Variants in PPCDC observed in about 807,000 individuals in gnomAD.
PPCDC encodes the protein phosphopantothenoylcysteine decarboxylase.
In PPCDC, 20 loss-of-function variants were observed where a neutral mutation model predicts 20.7. The observed-to-expected ratio is 0.97, with a 90% CI of 0.68 to 1.41. PPCDC has a LOEUF of 1.41. Among genes scored for constraint, PPCDC ranks in the 40% most tolerant of loss-of-function variants. PPCDC has a pLI of 0.00. For synonymous variants in PPCDC, 88 were observed against 100.3 expected (o/e 0.88, Z 0.73); for missense variants, 246 against 263.8 (o/e 0.93, Z 0.47).
intron 4 of PPCDC, chr15:75,045,310 GA>G (rs1308815542): frequency 6.6e-6 from 1 of 152,412 alleles, no homozygotes; most frequent in African/African-American, 2.4e-5. Flanking sequence ...GCTGGAAGGA[GA>G]ATGCCAGGCT....
chr15:75,034,443 C>G (rs967336121), intron 2 of PPCDC, among the ~76,000 whole-genome samples: 2 of 152,110 alleles, frequency 1.3e-5, no homozygotes, highest in Admixed American at 6.5e-5. Flanking sequence ...AAATGTTTGC[C>G]GAGTAGAGGC....
chr15:75,028,539 G>A lies in PPCDC; in HGVS notation c.135+86G>A, dbSNP rs1420494348. 3.2e-6 allele frequency: 5 copies of A among 1,549,154 alleles called. No homozygotes were observed. The African/African-American group carries it at 5.5e-5, about 17-fold the overall frequency. On this transcript the variant is annotated intron_variant, in intron 2 of 5. Transcript: ENST00000342932. ...GATGGCCCATTGCTCTGCAGTACATGCAATTTTCTTTTTCTTTATCATGTT... is the reference window on the plus strand; with the variant it reads ...GATGGCCCATTGCTCTGCAGTACATACAATTTTCTTTTTCTTTATCATGTT...
chr15:75,040,143 C>T (rs551559324), intron 2 of PPCDC, among the ~76,000 whole-genome samples: 64 of 152,250 alleles, frequency 4.2e-4, no homozygotes, highest in African/African-American at 1.4e-3. Flanking sequence ...AGTGCAGTGG[C>T]ATGATCTTGG....
chr15:75,045,558 GT>G (rs1469433026), intron 4 of PPCDC, among the ~76,000 whole-genome samples: 1 of 152,190 alleles, frequency 6.6e-6, no homozygotes, highest in Non-Finnish European at 1.5e-5. Context: ...GGGACAGGAT[GT>G]TTTTTGGGGT....
At chr15:75,044,641 G>A (rs971049399) in intron 4 of PPCDC, 127 bp downstream of exon 4, 51 of 1,293,320 alleles carry the variant, frequency 3.9e-5, no homozygotes, top group African/African-American at 6.0e-5. Context: ...ATCGTGCTCC[G>A]CCATTCCCCA....
chr15:75,047,057 C>A (rs2066245329), intron 4 of PPCDC, among the ~76,000 whole-genome samples: 1 of 152,258 alleles, frequency 6.6e-6, no homozygotes, highest in Non-Finnish European at 1.5e-5. Context: ...GCTCTCTTCT[C>A]CTCCTGCCTG....
intron 2 of PPCDC, among the ~76,000 whole-genome samples, chr15:75,035,201 C>T (rs538293998): frequency 3.3e-5 from 5 of 152,116 alleles, no homozygotes; most frequent in African/African-American, 9.6e-5. Context: ...TGGTTCTCAA[C>T]GGGGGTGATT....
In PPCDC at chr15:75,043,358, T is replaced by C. The variant is rs1468970976; in HGVS notation, c.136-83T>C. Reference sequence around the variant, plus strand: ...CTGTGAAGACAGCACCTGCCTGCCCTGACCCTCCTGTGGCCTCCAGGCCTG... The same window carrying C: ...CTGTGAAGACAGCACCTGCCTGCCCCGACCCTCCTGTGGCCTCCAGGCCTG... On this transcript the variant is annotated intron_variant, in intron 2 of 5. Coordinates refer to ENST00000342932, the MANE Select transcript of PPCDC (RefSeq NM_021823.5). 7.3e-6 allele frequency: 9 copies of C among 1,230,820 alleles called. No homozygotes were observed. In the South Asian group the frequency reaches 9.6e-5, roughly 13 times the overall value. The allele number at this position is 1,230,820 out of a possible 1,614,324, so 76.2% of individuals were successfully genotyped here. A position where few individuals can be genotyped will look rare whatever the true frequency, so the allele number is the denominator to read the frequency against.
chr15:75,028,094 G>A, intron 1 of PPCDC, 153 bp from the exon 2 acceptor site: 1 of 561,548 alleles, frequency 1.8e-6, no homozygotes, highest in Non-Finnish European at 3.1e-6. Flanking sequence ...TGGGGAAGGT[G>A]TCTCACTTTC....
intron 4 of PPCDC, among the ~76,000 whole-genome samples, chr15:75,048,234 C>G (rs1480051486): frequency 6.6e-6 from 1 of 152,194 alleles, no homozygotes; most frequent in Admixed American, 6.5e-5. Context: ...AAAAGCCTGC[C>G]TTCTGCTCCC....
At chr15:75,028,556 T>C in intron 2 of PPCDC, 103 bp downstream of exon 2, 2 of 1,500,542 alleles carry the variant, frequency 1.3e-6, no homozygotes, top group Non-Finnish European at 1.8e-6. Context: ...TCTTTTTCTT[T>C]ATCATGTTAA....
chr15:75,040,667 T>A (rs12050820), intron 2 of PPCDC, among the ~76,000 whole-genome samples: 129,341 of 151,854 alleles, frequency 0.85, 56,570 homozygotes, highest in East Asian at 0.95. Context: ...TTTATTTTTT[T>A]ATTTTTTTTG....
At chr15:75,045,704 G>A (rs2066223571) in intron 4 of PPCDC, among the ~76,000 whole-genome samples, 1 of 152,078 alleles carries the variant, frequency 6.6e-6, no homozygotes, top group South Asian at 2.1e-4. Context: ...AGGAGCAGGG[G>A]TAGGGAGTGC....
chr15:75,044,637 C>A, intron 4 of PPCDC, 123 bp downstream of exon 4: 1 of 1,321,098 alleles, frequency 7.6e-7, no homozygotes, highest in Non-Finnish European at 1.0e-6. Context: ...GGAGATCGTG[C>A]TCCGCCATTC....
At chr15:75,045,980 G>T (rs1237143823) in intron 4 of PPCDC, among the ~76,000 whole-genome samples, 1 of 151,744 alleles carries the variant, frequency 6.6e-6, no homozygotes, top group Non-Finnish European at 1.5e-5. Context: ...GGAGGCTGAG[G>T]CAGGAAAATT....
intron 2 of PPCDC, among the ~76,000 whole-genome samples, chr15:75,035,438 A>C (rs764347232): frequency 1.3e-4 from 20 of 152,130 alleles, no homozygotes; most frequent in Admixed American, 5.2e-4. Context: ...TAGGGGCCTG[A>C]AGTAGAAACG....
intron 3 of PPCDC, 163 bp downstream of exon 3, chr15:75,043,699 C>A: frequency 1.5e-6 from 1 of 650,360 alleles, no homozygotes; most frequent in East Asian, 2.8e-5. Context: ...ATCTGTCTAG[C>A]TTCTGGCCTG....
chr15:75,039,787 T>TC lies in PPCDC; in HGVS notation c.136-3654_136-3653insC, dbSNP rs2066130933. Among the ~76,000 whole-genome samples the TC allele has an allele frequency of 2.9e-4, 39 of 133,832 alleles. 1 individual carries two copies. The South Asian group carries it at 0.011, about 39-fold the overall frequency. 87.8% of individuals were successfully genotyped at this position (133,832 alleles called of 152,430 possible). Reference sequence around the variant, plus strand: ...TGAGAATTTACTTCTTTTCTTTCTTTGTTTTTTTTTTTTTGAGATGGAGTT... The same window carrying TC: ...TGAGAATTTACTTCTTTTCTTTCTTTCGTTTTTTTTTTTTTGAGATGGAGTT... On this transcript the variant is annotated intron_variant, in intron 2 of 5. Coordinates refer to ENST00000342932, the MANE Select transcript of PPCDC (RefSeq NM_021823.5).
At chr15:75,032,380 C>T (rs6495143) in intron 2 of PPCDC, among the ~76,000 whole-genome samples, 129,848 of 152,184 alleles carry the variant, frequency 0.85, 56,839 homozygotes, top group East Asian at 0.95. Context: ...TGCTCATATG[C>T]AGTGTGGAGT....
Sources: allele counts gnomAD v4.1 joint callset (sites outside exome capture counted in the v4.1 genomes callset), GRCh38; gene constraint gnomAD v4.1.1; transcripts MANE v1.5; gene names NCBI Gene and HGNC (gene_info 2026-07-23, HGNC 2026-07-21).